Variants in INPP5A observed in about 807,000 individuals in gnomAD.
INPP5A encodes inositol polyphosphate-5-phosphatase A, also known as 43 kDa inositol polyphosphate 5-phophatase.
A neutral mutation model predicts 65.2 loss-of-function variants in INPP5A; 14 were observed. The observed-to-expected ratio is 0.21, with a 90% confidence interval of 0.14 to 0.34. The LOEUF is 0.34. Ranked by LOEUF, INPP5A falls within the 10% of genes least tolerant of loss-of-function variation. The pLI is 1.00. For synonymous variants in INPP5A, 207 were observed against 208.3 expected (o/e 0.99, Z 0.05); for missense variants, 431 against 545.6 (o/e 0.79, Z 2.09).
chr10:132,754,156 A>C (rs1224104756), intron 11 of INPP5A, among the ~76,000 whole-genome samples: 1 of 152,202 alleles, frequency 6.6e-6, no homozygotes, highest in Non-Finnish European at 1.5e-5. Context: ...CTCCCGCCAC[A>C]CAGGATCCCC....
intron 9 of INPP5A, among the ~76,000 whole-genome samples, chr10:132,733,066 C>T (rs1277944273): frequency 6.6e-6 from 1 of 152,172 alleles, no homozygotes; most frequent in Non-Finnish European, 1.5e-5. Flanking sequence ...TTGCCTCACC[C>T]AGCCACAGGT....
rs1159628976 is a variant in INPP5A, at chr10:132,555,754, C to A, written c.75+17583C>A. Reference sequence around the variant, plus strand: ...GACCCAGACAGGCACAACACTGACACACCTTGTCACACTCTGCAGGGTGTT... The same window carrying A: ...GACCCAGACAGGCACAACACTGACAAACCTTGTCACACTCTGCAGGGTGTT... On this transcript the variant is annotated intron_variant, in intron 1 of 15. Transcript: ENST00000368594. This position sits in a 1 kb window ranked among gnomAD's most constrained non-coding sequence, Gnocchi z 4.4. Among the ~76,000 whole-genome samples, 3 of 152,208 alleles carry A rather than the reference C, an allele frequency of 2.0e-5. No individual in the cohort carries two copies. The highest frequency in any genetic ancestry group is 1.3e-4 in the Admixed American group (2 of 15,286).
At chr10:132,576,376 G>A (rs2071412403) in intron 1 of INPP5A, among the ~76,000 whole-genome samples, 1 of 152,230 alleles carries the variant, frequency 6.6e-6, no homozygotes, top group Non-Finnish European at 1.5e-5. Context: ...GTGGCACCCC[G>A]AGCGGGTTTT....
At chr10:132,732,718 C>T (rs914503196) in intron 9 of INPP5A, among the ~76,000 whole-genome samples, 2 of 152,170 alleles carry the variant, frequency 1.3e-5, no homozygotes, top group African/African-American at 4.8e-5. Context: ...GGGGCGGTAT[C>T]CCCAGGGTCA....
chr10:132,617,219 T>A (rs367843282), intron 2 of INPP5A, among the ~76,000 whole-genome samples: 22 of 152,244 alleles, frequency 1.4e-4, no homozygotes, highest in East Asian at 9.7e-4. Flanking sequence ...GGACAGACCC[T>A]GCTTGGCCCT....
chr10:132,709,656 C>T (rs1210977964), intron 7 of INPP5A, among the ~76,000 whole-genome samples: 2 of 152,206 alleles, frequency 1.3e-5, no homozygotes, highest in African/African-American at 4.8e-5. Flanking sequence ...CCTGGCGCCT[C>T]CTGGTAGGGA....
At chr10:132,568,802 T>C (rs1229373683) in intron 1 of INPP5A, among the ~76,000 whole-genome samples, 1 of 151,850 alleles carries the variant, frequency 6.6e-6, no homozygotes, top group African/African-American at 2.4e-5. Context: ...TTTGAGACAA[T>C]TGAAGCTTAG....
chr10:132,750,771 G>C (rs891540214), intron 11 of INPP5A, among the ~76,000 whole-genome samples: 11 of 152,286 alleles, frequency 7.2e-5, no homozygotes, highest in African/African-American at 2.6e-4. Flanking sequence ...TCAGTTCCTA[G>C]GGCGCTCCCG....
chr10:132,640,897 G>A (rs920722729), intron 2 of INPP5A, among the ~76,000 whole-genome samples: 3 of 152,210 alleles, frequency 2.0e-5, no homozygotes, highest in African/African-American at 4.8e-5. Context: ...TGCTCAGCGT[G>A]CTGTCTCCCA....
intron 8 of INPP5A, among the ~76,000 whole-genome samples, chr10:132,724,988 C>G (rs1439615307): frequency 6.7e-6 from 1 of 148,978 alleles, no homozygotes; most frequent in Non-Finnish European, 1.5e-5. Context: ...ATATTCACCA[C>G]AGACGGGGGT....
chr10:132,590,850 C>G (rs555953254), intron 1 of INPP5A, among the ~76,000 whole-genome samples: 1 of 152,212 alleles, frequency 6.6e-6, no homozygotes, highest in African/African-American at 2.4e-5. Context: ...GGTCATTGCT[C>G]GCTCCGTGGT....
At position 132,765,947 on chromosome 10, in the gene INPP5A, G is replaced by A. The variant is rs1021881921; in HGVS notation, c.977+101G>A. ...TGCGTGTCTGTGTGTGCCAGTTTGT[G>A]CTGGGCATGAGTGTGTGCATTCTGT... is the stretch of plus-strand genomic sequence containing the variant. On this transcript the variant is annotated intron_variant, in intron 12 of 15. Coordinates refer to ENST00000368594, the MANE Select transcript of INPP5A (RefSeq NM_005539.5). 2.1e-5 allele frequency: 16 copies of A among 759,294 alleles called. No homozygotes were observed. The African/African-American group carries it at 2.5e-4, about 12-fold the overall frequency. The allele number at this position is 759,294 out of a possible 1,614,324, so 47.0% of individuals were successfully genotyped here. A position where few individuals can be genotyped will look rare whatever the true frequency, so the allele number is the denominator to read the frequency against.
intron 1 of INPP5A, among the ~76,000 whole-genome samples, chr10:132,566,855 A>G (rs1293393873): frequency 2.6e-5 from 4 of 152,266 alleles, no homozygotes; most frequent in African/African-American, 9.6e-5. Context: ...AAGAGAAAGA[A>G]TAATGTAAAT....
intron 1 of INPP5A, among the ~76,000 whole-genome samples, chr10:132,601,123 C>G (rs79379743): frequency 0.015 from 2,273 of 152,356 alleles, 31 homozygotes; most frequent in South Asian, 0.038. Flanking sequence ...TCCCATTTCT[C>G]CATCTCATCC....
intron 8 of INPP5A, among the ~76,000 whole-genome samples, chr10:132,712,436 TG>T (rs1164658430): frequency 4.9e-4 from 74 of 150,644 alleles, no homozygotes; most frequent in African/African-American, 1.7e-3. Context: ...TGTGCACGCG[TG>T]TGTGGGTGTG....
At chr10:132,612,941 C>T (rs927467749) in intron 2 of INPP5A, among the ~76,000 whole-genome samples, 46 of 152,206 alleles carry the variant, frequency 3.0e-4, no homozygotes, top group South Asian at 1.5e-3. Context: ...ACAGTTCCCG[C>T]GCATTCGGGT....
At chr10:132,774,380 A>C (rs570994631) in intron 12 of INPP5A, among the ~76,000 whole-genome samples, 1 of 152,262 alleles carries the variant, frequency 6.6e-6, no homozygotes, top group African/African-American at 2.4e-5. Flanking sequence ...TTAATATTTT[A>C]ACCAGGCGGG....
At position 132,650,337 on chromosome 10, in the gene INPP5A, C is replaced by G; in HGVS notation, c.219-81C>G. On this transcript the variant is annotated intron_variant, in intron 3 of 15. Coordinates refer to ENST00000368594, the MANE Select transcript of INPP5A (RefSeq NM_005539.5). The surrounding 1 kb of genome is among the most constrained non-coding windows in gnomAD (Gnocchi z 5.5). ...GGTGATGTACCTATGTGCTGGAGCC[C>G]CTCTTATACCTTGTGGTCATCTCAT... is the stretch of plus-strand genomic sequence containing the variant. The G allele has an allele frequency of 1.1e-6, 1 of 900,164 alleles. No homozygotes were observed. The highest frequency in any genetic ancestry group is 1.9e-6 in the Non-Finnish European group (1 of 537,636). The allele number at this position is 900,164 out of a possible 1,614,324, so 55.8% of individuals were successfully genotyped here.
At chr10:132,744,429 G>A (rs1017911315) in intron 9 of INPP5A, among the ~76,000 whole-genome samples, 16 of 152,268 alleles carry the variant, frequency 1.1e-4, no homozygotes, top group African/African-American at 3.4e-4. Context: ...GGGACACTGC[G>A]GCTCCACCGG....
Sources: gnomAD v4.1 joint callset for allele counts (sites outside exome capture counted in the v4.1 genomes callset) on GRCh38, gnomAD v4.1.1 for gene constraint, Gnocchi (gnomAD v3.1) non-coding constraint, MANE v1.5 for transcripts, NCBI Gene and HGNC (gene_info 2026-07-23, HGNC 2026-07-21) for gene names.